The following CTNNA1 variants were observed in gnomAD, a reference collection of about 807,000 sequenced individuals.
CTNNA1 encodes catenin alpha-1.
In CTNNA1, 37 loss-of-function variants were observed where a neutral mutation model predicts 98.4. That is an observed-to-expected ratio of 0.38 (90% CI 0.29 to 0.49). The LOEUF is 0.49. CTNNA1 is among the 20% of genes least tolerant of loss of function. The pLI is 0.95. For synonymous variants in CTNNA1, 404 were observed against 413.2 expected, an observed-to-expected ratio of 0.98 and a Z score of 0.27; for missense variants, 761 against 1,147.2, an observed-to-expected ratio of 0.66 and a Z score of 4.86.
chr5:138,861,128 C>A (rs536633522), intron 7 of CTNNA1, among the ~76,000 whole-genome samples: 1 of 152,120 alleles, frequency 6.6e-6, no homozygotes, highest in East Asian at 1.9e-4. Flanking sequence ...TCAGGAGATT[C>A]TTCTGCCTCA....
intron 7 of CTNNA1, among the ~76,000 whole-genome samples, chr5:138,861,680 A>G (rs956312574): frequency 3.9e-5 from 6 of 152,248 alleles, no homozygotes; most frequent in African/African-American, 1.2e-4. Context: ...CTAATTATTA[A>G]AAGTAAAAAG....
At position 138,917,746 on chromosome 5, in the gene CTNNA1, T is replaced by G. The variant is rs763349368; in HGVS notation, c.1394T>G (p.Ile465Ser). The change falls in exon 11 of 18, where the codon ATT (isoleucine) becomes AGT (serine). Residue 465 changes from isoleucine (I) to serine (S), a missense_variant. This residue lies in a region of CTNNA1 where 287 missense variants were observed against 436.0 expected (regional missense o/e 0.66). Transcript: ENST00000302763. The stretch of plus-strand genomic sequence containing the variant: ...GAAGTTTAATATCTTTTGCAGGTTA[T>G]TAATGCTGCACTGGCTTTAGCAGCA... The part of the protein sequence containing the change: ...SQLEALCPQV[I>S]NAALALAAKP... The G allele has an allele frequency of 6.2e-7, 1 of 1,614,004 alleles. No homozygotes were observed. The highest frequency in any genetic ancestry group is 1.1e-5 in the South Asian group (1 of 91,030).
intron 4 of CTNNA1, 114 bp downstream of exon 4, chr5:138,810,318 A>C: frequency 1.1e-5 from 12 of 1,098,932 alleles, no homozygotes; most frequent in Non-Finnish European, 1.5e-5. Context: ...GGTTTATCTC[A>C]ATGGACCAGA....
chr5:138,923,934 C>G (rs1442284591), intron 11 of CTNNA1, among the ~76,000 whole-genome samples: 2 of 152,204 alleles, frequency 1.3e-5, no homozygotes, highest in African/African-American at 4.8e-5. Flanking sequence ...ACAATAAGCC[C>G]ATCTGTGTAC....
intron 13 of CTNNA1, among the ~76,000 whole-genome samples, chr5:138,928,410 AAAG>A (rs1208394188): frequency 2.0e-5 from 3 of 152,204 alleles, no homozygotes; most frequent in Non-Finnish European, 2.9e-5. Context: ...ATGAAAGTCA[AAAG>A]AATACTTTAA....
chr5:138,836,203 A>G lies in CTNNA1; in HGVS notation c.1062+8485A>G, dbSNP rs549321538. The stretch of plus-strand genomic sequence containing the variant: ...TAACTGCAACTTTGTATTCCTTGAC[A>G]TAAGTGTCCCCTACTCCCACCATAT... On this transcript the variant is annotated intron_variant, in intron 7 of 17. Coordinates refer to ENST00000302763, the MANE Select transcript of CTNNA1 (RefSeq NM_001903.5). Among the ~76,000 whole-genome samples the G allele has an allele frequency of 5.7e-4, 87 of 152,294 alleles. 1 individual carries two copies. The highest frequency in any genetic ancestry group is 2.1e-3 in the African/African-American group (86 of 41,574).
In CTNNA1 at chr5:138,929,366, C is replaced by G. The variant is rs752200734; in HGVS notation, c.2010+10C>G. On this transcript the variant is annotated intron_variant, in intron 14 of 17. Coordinates refer to ENST00000302763, the MANE Select transcript of CTNNA1 (RefSeq NM_001903.5). Reference sequence around the variant, plus strand: ...TGGCCAGAGTGCCCGGGTAAGGAAGCGCTCCGTGGGGCAGTTCAGCTTGTG... The same window carrying G: ...TGGCCAGAGTGCCCGGGTAAGGAAGGGCTCCGTGGGGCAGTTCAGCTTGTG... 1 of 1,410,646 alleles carries G rather than the reference C, an allele frequency of 7.1e-7. No homozygotes were observed. The highest frequency in any genetic ancestry group is 1.7e-5 in the Admixed American group (1 of 59,702). 87.4% of individuals were successfully genotyped at this position (1,410,646 alleles called of 1,614,324 possible).
intron 3 of CTNNA1, among the ~76,000 whole-genome samples, chr5:138,800,156 A>G (rs115336067): frequency 0.014 from 2,116 of 152,280 alleles, 53 homozygotes; most frequent in African/African-American, 0.048. Flanking sequence ...ACTGTAAAAA[A>G]AGAAAATCCA....
intron 5 of CTNNA1, among the ~76,000 whole-genome samples, chr5:138,813,981 T>C (rs1759133116): frequency 6.6e-6 from 1 of 152,202 alleles, no homozygotes; most frequent in African/African-American, 2.4e-5. Flanking sequence ...CATTTGGTTA[T>C]ATTTACATTA....
chr5:138,926,713 T>C (rs1331036383), intron 13 of CTNNA1, among the ~76,000 whole-genome samples: 1 of 151,598 alleles, frequency 6.6e-6, no homozygotes, highest in Non-Finnish European at 1.5e-5. Context: ...TGATGATTTC[T>C]CCCATTTTTA....
intron 7 of CTNNA1, among the ~76,000 whole-genome samples, chr5:138,877,668 C>T (rs1192304947): frequency 7.2e-5 from 11 of 151,976 alleles, no homozygotes; most frequent in Admixed American, 4.6e-4. Flanking sequence ...AGGATGGTCT[C>T]GATCACCTGA....
At chr5:138,928,934 T>G (rs575725678) in intron 13 of CTNNA1, among the ~76,000 whole-genome samples, 4 of 137,164 alleles carry the variant, frequency 2.9e-5, no homozygotes, top group African/African-American at 1.1e-4. Flanking sequence ...AGACTCTGTC[T>G]CAAAGGAAAA....
Position 138,877,742 on chromosome 5 carries a change from C to T in CTNNA1, c.1063-8470C>T, listed in dbSNP as rs143970905. ...GATTACAGGCGTGAGCCACCGCGCCCGGCCAAATTTCTTAAATGAAAATAA... is the reference window on the plus strand; with the variant it reads ...GATTACAGGCGTGAGCCACCGCGCCTGGCCAAATTTCTTAAATGAAAATAA... On this transcript the variant is annotated intron_variant, in intron 7 of 17. Coordinates refer to ENST00000302763, the MANE Select transcript of CTNNA1 (RefSeq NM_001903.5). Among the ~76,000 whole-genome samples, 133 of 152,276 alleles carry T rather than the reference C, an allele frequency of 8.7e-4. 1 individual carries two copies. The highest frequency in any genetic ancestry group is 3.0e-3 in the African/African-American group (126 of 41,564).
At chr5:138,758,093 G>T (rs955341188) in intron 1 of CTNNA1, among the ~76,000 whole-genome samples, 1 of 151,876 alleles carries the variant, frequency 6.6e-6, no homozygotes, top group Non-Finnish European at 1.5e-5. Context: ...TGCAACCTCT[G>T]TCTCCTGGGT....
intron 3 of CTNNA1, among the ~76,000 whole-genome samples, chr5:138,805,247 G>A (rs972706581): frequency 6.6e-6 from 1 of 152,150 alleles, no homozygotes; most frequent in South Asian, 2.1e-4. Context: ...CATGGGATGT[G>A]GGCAAGGACA....
rs1022043882 is a variant in CTNNA1 at position 138,930,841 on chromosome 5, C to G, written c.2204C>G (p.Pro735Arg). ...EMTDFTRGKGPLKNTSDVISA... is the reference protein window; with the variant it reads ...EMTDFTRGKGRLKNTSDVISA... ...TTCCCTCTTCTCAGAGGTAAAGGAC[C>G]ACTCAAAAATACATCGGATGTCATC... The change falls in exon 16 of 18, where the codon CCA (proline) becomes CGA (arginine). Residue 735 changes from proline (P) to arginine (R), a missense_variant. Physicochemically the swap from Pro to Arg is moderately radical, Grantham distance 103. Transcript: ENST00000302763. 2.5e-6 allele frequency: 4 copies of G among 1,609,504 alleles called. No individual in the cohort carries two copies. The highest frequency in any genetic ancestry group is 2.6e-6 in the Non-Finnish European group (3 of 1,175,862).
At chr5:138,883,710 A>G (rs1415426268) in intron 7 of CTNNA1, among the ~76,000 whole-genome samples, 1 of 152,232 alleles carries the variant, frequency 6.6e-6, no homozygotes, top group African/African-American at 2.4e-5. Flanking sequence ...CAAATGATCT[A>G]TTAGAAACAC....
At chr5:138,836,531 C>T (rs1828187) in intron 7 of CTNNA1, among the ~76,000 whole-genome samples, 103,452 of 152,162 alleles carry the variant, frequency 0.68, 35,412 homozygotes, top group East Asian at 0.93. Context: ...CCTGGCATTG[C>T]GCATTGCAGT....
chr5:138,880,632 A>C (rs1752679545), intron 7 of CTNNA1: 1 of 158,766 alleles, frequency 6.3e-6, no homozygotes, highest in African/African-American at 2.4e-5. Context: ...TCCTCTCTAC[A>C]TTTCTGAGTA....
Sources: allele counts gnomAD v4.1 joint callset (sites outside exome capture counted in the v4.1 genomes callset), GRCh38; gene constraint gnomAD v4.1.1; regional missense constraint gnomAD v4.1.1; transcripts MANE v1.5; gene names NCBI Gene and HGNC (gene_info 2026-07-23, HGNC 2026-07-21).